The following SDHAF3 variants were observed in gnomAD, a reference collection of about 807,000 sequenced individuals.
The protein encoded by SDHAF3 is succinate dehydrogenase assembly factor 3, mitochondrial.
In SDHAF3, 18 loss-of-function variants were observed where a neutral mutation model predicts 11.5. The ratio of observed to expected loss-of-function variants is 1.56; its 90% CI spans 1.08 to 2.32. The LOEUF (loss-of-function observed/expected upper bound fraction) is 2.32. Ranked by LOEUF, SDHAF3 falls within the 30% of genes most tolerant of loss-of-function variation. The pLI is 0.00. For missense variants in SDHAF3, 200 were observed against 154.4 expected (o/e 1.30, Z -1.57); for synonymous variants, 72 against 59.3 (o/e 1.21, Z -0.99).
chr7:97,156,203 C>G (rs1789299468), intron 1 of SDHAF3, among the ~76,000 whole-genome samples: 2 of 152,154 alleles, frequency 1.3e-5, no homozygotes, highest in African/African-American at 4.8e-5. Flanking sequence ...CTCAGCCTTT[C>G]CCTGTTTTTG....
chr7:97,178,829 A>G (rs1789728730), intron 1 of SDHAF3, among the ~76,000 whole-genome samples: 1 of 152,144 alleles, frequency 6.6e-6, no homozygotes, highest in Admixed American at 6.5e-5. Context: ...TGATGCACAG[A>G]AGTATTTAAT....
intron 1 of SDHAF3, among the ~76,000 whole-genome samples, chr7:97,163,168 C>CTTTTTTTT (rs58956333): frequency 8.0e-5 from 10 of 125,010 alleles, no homozygotes; most frequent in East Asian, 2.4e-4. Flanking sequence ...GTTTAAAGTC[C>CTTTTTTTT]TTTTTTTTTT....
intron 1 of SDHAF3, among the ~76,000 whole-genome samples, chr7:97,161,128 C>G (rs1311876220): frequency 6.6e-6 from 1 of 152,146 alleles, no homozygotes; most frequent in Non-Finnish European, 1.5e-5. Context: ...CAATCAGCCA[C>G]TCAGTCACAG....
Position 97,151,558 on chromosome 7 carries a change from G to T in SDHAF3, c.175-29454G>T, listed in dbSNP as rs561476689. 4.3e-4 allele frequency among the ~76,000 whole-genome samples: 65 copies of T among 151,378 alleles called. No homozygotes were observed. In the South Asian group the frequency reaches 6.5e-3, roughly 15 times the overall value. On this transcript the variant is annotated intron_variant, in intron 1 of 1. Transcript: ENST00000432641. The stretch of plus-strand genomic sequence containing the variant: ...CTGTCCCCCAGGCTGGAGTGCAGTG[G>T]CACAATCTCCGCTCACTGCAAGCTC...
At chr7:97,146,120 C>G (rs1483359570) in intron 1 of SDHAF3, among the ~76,000 whole-genome samples, 2 of 152,008 alleles carry the variant, frequency 1.3e-5, no homozygotes, top group East Asian at 1.9e-4. Context: ...CTTTCCCCCC[C>G]CCACTTTTGA....
At chr7:97,130,423 C>A (rs1030645567) in intron 1 of SDHAF3, among the ~76,000 whole-genome samples, 4 of 152,216 alleles carry the variant, frequency 2.6e-5, no homozygotes, top group Non-Finnish European at 5.9e-5. Flanking sequence ...ACAGCTCTGG[C>A]TCGGGAAGTC....
At chr7:97,145,789 A>G (rs4727355) in intron 1 of SDHAF3, among the ~76,000 whole-genome samples, 7,426 of 152,216 alleles carry the variant, frequency 0.049, 550 homozygotes, top group East Asian at 0.29. Flanking sequence ...ATTTCATTCA[A>G]TAAACATTTA....
intron 1 of SDHAF3, among the ~76,000 whole-genome samples, chr7:97,143,665 C>CTGTGTGTGTGTGTGTGTGTG (rs3029495): frequency 6.8e-6 from 1 of 147,950 alleles, no homozygotes; most frequent in African/African-American, 2.5e-5. Flanking sequence ...TAGTGTTCCA[C>CTGTGTGTGTGTGTGTGTGTG]TGTGTGTGTG....
intron 1 of SDHAF3, among the ~76,000 whole-genome samples, chr7:97,165,067 G>A (rs959954789): frequency 2.0e-5 from 3 of 152,040 alleles, no homozygotes; most frequent in Non-Finnish European, 4.4e-5. Context: ...GGCAGATCAC[G>A]AGGTCAGGAG....
In SDHAF3 at chr7:97,157,163, T is replaced by C. The variant is rs566241220; in HGVS notation, c.175-23849T>C. 2.6e-5 allele frequency among the ~76,000 whole-genome samples: 4 copies of C among 152,332 alleles called. No homozygotes were observed. The South Asian group carries it at 8.3e-4, about 32-fold the overall frequency. ...TCTGTATCCCTGGGGTACTGACATT[T>C]GACTCTGGATACTAATTGTCTAGTA... On this transcript the variant is annotated intron_variant, in intron 1 of 1. Transcript: ENST00000432641.
At position 97,181,479 on chromosome 7, in the gene SDHAF3, C is replaced by G. The variant is rs901903925; in HGVS notation, c.*264C>G. On this transcript the variant is annotated 3_prime_UTR_variant, in exon 2 of 2. Transcript: ENST00000432641. ...ATTTTGCTGAAAATGTTTTAAAATGCTATTCTCATCCAGCCATATTAGTCT... is the reference window on the plus strand; with the variant it reads ...ATTTTGCTGAAAATGTTTTAAAATGGTATTCTCATCCAGCCATATTAGTCT... The G allele has an allele frequency of 4.8e-5, 14 of 293,028 alleles. No individual in the cohort carries two copies. Among genetic ancestry groups the G allele is most frequent in the Non-Finnish European group, 8.9e-5 (14 of 156,710 alleles). The allele number at this position is 293,028 out of a possible 1,614,324, so 18.2% of individuals were successfully genotyped here.
intron 1 of SDHAF3, among the ~76,000 whole-genome samples, chr7:97,179,619 A>G (rs1789739305): frequency 6.6e-6 from 1 of 152,048 alleles, no homozygotes; most frequent in Non-Finnish European, 1.5e-5. Context: ...TAGATTATCA[A>G]GACGGGGAGA....
chr7:97,173,923 TTTC>T (rs1217957249), intron 1 of SDHAF3, among the ~76,000 whole-genome samples: 2 of 151,360 alleles, frequency 1.3e-5, no homozygotes, highest in South Asian at 2.1e-4. Flanking sequence ...GCAGCTTTTT[TTTC>T]TTTTTTTTTT....
At chr7:97,123,935 C>A (rs1042607320) in intron 1 of SDHAF3, among the ~76,000 whole-genome samples, 11 of 151,860 alleles carry the variant, frequency 7.2e-5, no homozygotes, top group African/African-American at 1.9e-4. Context: ...AATTTTCTCC[C>A]GTTCTGTAGG....
intron 1 of SDHAF3, among the ~76,000 whole-genome samples, chr7:97,169,120 G>A (rs1789562652): frequency 6.6e-6 from 1 of 152,214 alleles, no homozygotes; most frequent in African/African-American, 2.4e-5. Context: ...GAGGTCAGGA[G>A]TTCAAGACCA....
chr7:97,138,306 C>A (rs970703402), intron 1 of SDHAF3, among the ~76,000 whole-genome samples: 6 of 151,922 alleles, frequency 3.9e-5, no homozygotes, highest in Admixed American at 2.6e-4. Context: ...ATTACAGGTG[C>A]CTGCCACCAC....
At chr7:97,171,514 T>G (rs1416384898) in intron 1 of SDHAF3, among the ~76,000 whole-genome samples, 3 of 152,114 alleles carry the variant, frequency 2.0e-5, no homozygotes, top group South Asian at 4.1e-4. Flanking sequence ...AAAATCTTTT[T>G]TTATGCTATT....
intron 1 of SDHAF3, among the ~76,000 whole-genome samples, chr7:97,166,077 A>G (rs1444167764): frequency 6.6e-6 from 1 of 152,224 alleles, no homozygotes; most frequent in Non-Finnish European, 1.5e-5. Context: ...CATGAAGTAA[A>G]TAAGGACATT....
chr7:97,161,065 C>A (rs1174815665), intron 1 of SDHAF3, among the ~76,000 whole-genome samples: 2 of 152,116 alleles, frequency 1.3e-5, no homozygotes, highest in African/African-American at 4.8e-5. Context: ...TTTTTCTAGG[C>A]TAGCGACATA....
Sources: allele counts gnomAD v4.1 joint callset (sites outside exome capture counted in the v4.1 genomes callset), GRCh38; gene constraint gnomAD v4.1.1; transcripts MANE v1.5; gene names NCBI Gene and HGNC (gene_info 2026-07-23, HGNC 2026-07-21).